The following PKHD1L1 variants were observed in gnomAD, a reference collection of about 807,000 sequenced individuals.
The protein encoded by PKHD1L1 is PKHD1 like 1, also known as fibrocystin-L.
In PKHD1L1, 434 loss-of-function variants were observed where a neutral mutation model predicts 462.9. The observed-to-expected ratio is 0.94, with a 90% CI of 0.87 to 1.02. PKHD1L1 has a LOEUF of 1.02. Among genes scored for constraint, PKHD1L1 ranks in the 50% least tolerant of loss-of-function variants. The pLI is 0.00. For missense variants in PKHD1L1, 5,202 were observed against 5,096.1 expected, an observed-to-expected ratio of 1.02 and a Z score of -0.63; for synonymous variants, 1,781 against 1,750.0, an observed-to-expected ratio of 1.02 and a Z score of -0.44.
intron 2 of PKHD1L1, among the ~76,000 whole-genome samples, chr8:109,376,882 G>A (rs1201531833): frequency 6.6e-6 from 1 of 152,148 alleles, no homozygotes; most frequent in Non-Finnish European, 1.5e-5. Context: ...TGGGATTCCA[G>A]GCCAGAATGT....
Position 109,400,224 on chromosome 8 carries a change from A to G in PKHD1L1, c.1161A>G (p.Thr387=), listed in dbSNP as rs1813202586. 1.2e-6 allele frequency: 2 copies of G among 1,613,482 alleles called. No homozygotes were observed. The highest frequency in any genetic ancestry group is 1.7e-6 in the Non-Finnish European group (2 of 1,179,692). ...ASYIWLMEQD[T]FVARFSGFLV... ...ATATTTGGCTCATGGAACAAGACAC[A>G]TTTGTTGCACGCTTTAGTGGATTTT... Residue 387 remains threonine, a synonymous_variant, in exon 13 of 78, where the codon ACA becomes ACG. Coordinates refer to ENST00000378402, the MANE Select transcript of PKHD1L1 (RefSeq NM_177531.6).
At position 109,498,640 on chromosome 8, in the gene PKHD1L1, C is replaced by A. The variant is rs201103181; in HGVS notation, c.10712-15C>A. 4,976 of 1,613,100 alleles carry A rather than the reference C, an allele frequency of 3.1e-3. 8 individuals are homozygous for A. The highest frequency in any genetic ancestry group is 3.8e-3 in the Non-Finnish European group (4,520 of 1,179,278). On this transcript the variant is annotated splice_polypyrimidine_tract_variant and intron_variant, in intron 66 of 77. Transcript: ENST00000378402. ...CATATTCAATTTTCATTAACTTTTT[C>A]TTTTTTGGTAAAAGGTGGGAGAAGT...
At chr8:109,398,702 A>G (rs1813099728) in intron 12 of PKHD1L1, among the ~76,000 whole-genome samples, 154 bp downstream of exon 12, 1 of 152,138 alleles carries the variant, frequency 6.6e-6, no homozygotes, top group Non-Finnish European at 1.5e-5. Flanking sequence ...TCTGGATTAG[A>G]AAATATTTCT....
intron 50 of PKHD1L1, among the ~76,000 whole-genome samples, chr8:109,467,408 C>T (rs1420219126): frequency 6.8e-6 from 1 of 146,698 alleles, no homozygotes; most frequent in Non-Finnish European, 1.5e-5. Context: ...CTTCCCCCCA[C>T]TGCCCCGCCC....
In PKHD1L1 at chr8:109,522,887, T is replaced by C. The variant is rs1389938565; in HGVS notation, c.12327T>C (p.Ser4109=). The change falls in exon 75 of 78, where the codon TCT becomes TCC. Residue 4109 remains serine (S), a synonymous_variant. Coordinates refer to ENST00000378402, the MANE Select transcript of PKHD1L1 (RefSeq NM_177531.6). ...PQQPSVKATD[S]DGNCVSVGIT... ...AGCCTTCGGTAAAGGCAACAGATTCTGACGTAAGTCATAACTCAAAATTTT... is the reference window on the plus strand; with the variant it reads ...AGCCTTCGGTAAAGGCAACAGATTCCGACGTAAGTCATAACTCAAAATTTT... 1.3e-6 allele frequency: 2 copies of C among 1,599,024 alleles called. No individual in the cohort carries two copies. The highest frequency in any genetic ancestry group is 1.7e-6 in the Non-Finnish European group (2 of 1,174,306).
Position 109,403,958 on chromosome 8 carries a change from G to A in PKHD1L1, c.1374-596G>A, listed in dbSNP as rs558170635. Reference sequence around the variant, plus strand: ...CTACCTTGGGTACACAGTAGGATGAGGGGCAGGAGACATCAAGAATCAGGA... The same window carrying A: ...CTACCTTGGGTACACAGTAGGATGAAGGGCAGGAGACATCAAGAATCAGGA... On this transcript the variant is annotated intron_variant, in intron 14 of 77. Transcript: ENST00000378402. Among the ~76,000 whole-genome samples the A allele has an allele frequency of 1.6e-3, 250 of 152,190 alleles. 1 individual carries two copies. The highest frequency in any genetic ancestry group is 8.9e-3 in the South Asian group (43 of 4,824).
At chr8:109,439,163 A>C (rs963754588) in intron 32 of PKHD1L1, 71 bp downstream of exon 32, 47 of 1,377,982 alleles carry the variant, frequency 3.4e-5, no homozygotes, top group Non-Finnish European at 4.7e-5. Flanking sequence ...ATAGGAAAAG[A>C]AGTGGGCATT....
At chr8:109,394,593 G>A in intron 10 of PKHD1L1, 108 bp downstream of exon 10, 3 of 666,588 alleles carry the variant, frequency 4.5e-6, no homozygotes, top group Non-Finnish European at 6.6e-6. Context: ...ATTATTTGAT[G>A]TACTGCTAGG....
Position 109,535,218 on chromosome 8 carries a change from C to G in PKHD1L1, c.*5128C>G, listed in dbSNP as rs200774226. On this transcript the variant is annotated 3_prime_UTR_variant, in exon 78 of 78. Coordinates refer to ENST00000378402, the MANE Select transcript of PKHD1L1 (RefSeq NM_177531.6). ...TGCCTATGAGCAAAAAAAAAAAATT[C>G]CTTTTGTGCAAGATATTTATGACTG... is the stretch of plus-strand genomic sequence containing the variant. Among the ~76,000 whole-genome samples the G allele has an allele frequency of 7.9e-5, 12 of 151,990 alleles. No individual in the cohort carries two copies. In the East Asian group the frequency reaches 2.3e-3, roughly 29 times the overall value.
chr8:109,378,516 C>T (rs894161729), intron 2 of PKHD1L1, among the ~76,000 whole-genome samples: 2 of 152,180 alleles, frequency 1.3e-5, no homozygotes, highest in African/African-American at 4.8e-5. Context: ...AATGCACTTC[C>T]CATAGATATC....
At position 109,442,998 on chromosome 8, in the gene PKHD1L1, G is replaced by A. The variant is rs1443621775; in HGVS notation, c.4446G>A (p.Gly1482=). The change falls in exon 36 of 78, where the codon GGG becomes GGA. Residue 1482 remains glycine, a synonymous_variant. Transcript: ENST00000378402. The part of the protein sequence containing the change: ...TSPGIHYYSS[G]YVDEAHSIFL... ...CTGGAATCCATTATTATAGCAGCGG[G>A]TATGTTGATGAGGCTCACTCCATTT... The A allele has an allele frequency of 1.2e-6, 2 of 1,613,452 alleles. No individual in the cohort carries two copies. The highest frequency in any genetic ancestry group is 2.7e-5 in the African/African-American group (2 of 74,898).
Position 109,401,490 on chromosome 8 carries a change from G to A in PKHD1L1, c.1282-7G>A, listed in dbSNP as rs373516970. The A allele has an allele frequency of 5.2e-5, 77 of 1,488,646 alleles. No homozygotes were observed. In the African/African-American group the frequency reaches 7.0e-4, roughly 14 times the overall value. The allele number at this position is 1,488,646 out of a possible 1,614,324, so 92.2% of individuals were successfully genotyped here. A position where few individuals can be genotyped will look rare whatever the true frequency, so the allele number is the denominator to read the frequency against. On this transcript the variant is annotated splice_region_variant and splice_polypyrimidine_tract_variant and intron_variant, in intron 13 of 77. Coordinates refer to ENST00000378402, the MANE Select transcript of PKHD1L1 (RefSeq NM_177531.6). ...CCTTTTCTCTGTCTCTGTCTCTCTC[G>A]GATTAGGTGAGGATTGCATATCATT...
chr8:109,526,801 G>T lies in PKHD1L1; in HGVS notation c.12502G>T (p.Glu4168Ter). Residue 4168 changes from glutamate (E) to a stop codon, truncating the protein, a stop_gained, in exon 77 of 78, where the codon GAA becomes TAA. Transcript: ENST00000378402. LOFTEE classifies it high-confidence loss of function. ...TTTTCCAGGAAAAAATTATAAGATT[G>T]AATTTATACTGGATAATGTTGTTGG... is the stretch of plus-strand genomic sequence containing the variant. ...PLRTGKNYKI[E>*]FILDNVVGVE... The T allele has an allele frequency of 6.4e-7, 1 of 1,551,888 alleles. No individual in the cohort carries two copies. The highest frequency in any genetic ancestry group is 1.2e-5 in the South Asian group (1 of 83,952).
intron 58 of PKHD1L1, among the ~76,000 whole-genome samples, chr8:109,486,053 A>C (rs1818510467): frequency 6.6e-6 from 1 of 151,948 alleles, no homozygotes; most frequent in Non-Finnish European, 1.5e-5. Context: ...GTTTTGAGTA[A>C]CATTTCTTAA....
chr8:109,440,999 A>G (rs1196238228), intron 33 of PKHD1L1, 147 bp downstream of exon 33: 11 of 993,560 alleles, frequency 1.1e-5, no homozygotes, highest in Non-Finnish European at 1.6e-5. Context: ...GGTTAAAGTG[A>G]TAAAGAGAAA....
At chr8:109,422,288 C>T (rs997371578) in intron 23 of PKHD1L1, among the ~76,000 whole-genome samples, 73 of 152,044 alleles carry the variant, frequency 4.8e-4, no homozygotes, top group African/African-American at 1.6e-3. Context: ...TTCATCTGAC[C>T]ACCACCAGAA....
chr8:109,449,108 A>G (rs994482817), intron 39 of PKHD1L1, among the ~76,000 whole-genome samples: 2 of 152,176 alleles, frequency 1.3e-5, no homozygotes, highest in Non-Finnish European at 2.9e-5. Flanking sequence ...TCCTCGAAAT[A>G]GTTCAAATAA....
At chr8:109,476,420 T>A (rs1387053352) in intron 51 of PKHD1L1, 88 bp from the exon 52 acceptor site, 1 of 890,030 alleles carries the variant, frequency 1.1e-6, no homozygotes, top group East Asian at 3.0e-5. Context: ...CTTAACATAA[T>A]ATAGGGGCTA....
intron 53 of PKHD1L1, among the ~76,000 whole-genome samples, chr8:109,477,896 TC>T (rs1343896568): frequency 6.6e-6 from 1 of 152,208 alleles, no homozygotes; most frequent in Non-Finnish European, 1.5e-5. Flanking sequence ...AAACAATATT[TC>T]TATCTTTGTA....
Sources: gnomAD v4.1 joint callset for allele counts (sites outside exome capture counted in the v4.1 genomes callset) on GRCh38, gnomAD v4.1.1 for gene constraint, MANE v1.5 for transcripts, NCBI Gene and HGNC (gene_info 2026-07-23, HGNC 2026-07-21) for gene names.